The following PARVB variants were observed in gnomAD, a reference collection of about 807,000 sequenced individuals.
PARVB encodes parvin beta.
In PARVB, 46 loss-of-function variants were observed where a neutral mutation model predicts 47.0. The ratio of observed to expected loss-of-function variants is 0.98; its 90% CI spans 0.77 to 1.25. The LOEUF (loss-of-function observed/expected upper bound fraction) is 1.25. PARVB is among the 50% of genes most tolerant of loss of function. The probability of loss-of-function intolerance (pLI) is 0.00; values close to 1 mark genes in which losing one functional copy is unlikely to be tolerated. For synonymous variants in PARVB, 196 were observed against 196.3 expected (o/e 1.00, Z 0.01); for missense variants, 473 against 471.6 (o/e 1.00, Z -0.03).
chr22:44,025,265 A>G (rs1180759649), intron 1 of PARVB, among the ~76,000 whole-genome samples: 1 of 152,050 alleles, frequency 6.6e-6, no homozygotes, highest in Admixed American at 6.6e-5. Context: ...CATAGCGGGT[A>G]TGCAGTACGG....
At chr22:44,060,320 A>C (rs1175421641) in intron 1 of PARVB, among the ~76,000 whole-genome samples, 1 of 152,204 alleles carries the variant, frequency 6.6e-6, no homozygotes. Flanking sequence ...TTTCTAAAAA[A>C]AAGAAAAGAA....
chr22:44,096,666 C>T (rs1163717711), intron 2 of PARVB, among the ~76,000 whole-genome samples: 2 of 152,166 alleles, frequency 1.3e-5, no homozygotes, highest in Admixed American at 6.5e-5. Context: ...AAGTCTTGAA[C>T]CCCGGGCATT....
chr22:44,075,394 A>G (rs1181395697), intron 1 of PARVB, among the ~76,000 whole-genome samples: 1 of 152,182 alleles, frequency 6.6e-6, no homozygotes, highest in African/African-American at 2.4e-5. Context: ...CCCACCACGC[A>G]CACTATCAAC....
chr22:44,039,974 C>A, intron 1 of PARVB: 1 of 376,624 alleles, frequency 2.7e-6, no homozygotes. Context: ...ACCACTACAC[C>A]CCGCTAATTT....
At chr22:44,010,816 A>T (rs1203831437) in intron 2 of PARVB, among the ~76,000 whole-genome samples, 5 of 152,110 alleles carry the variant, frequency 3.3e-5, no homozygotes, top group Admixed American at 3.3e-4. Context: ...ATTTTACGAC[A>T]TATGAAAATT....
At chr22:44,128,975 G>A (rs577024950) in intron 4 of PARVB, among the ~76,000 whole-genome samples, 1 of 152,346 alleles carries the variant, frequency 6.6e-6, no homozygotes, top group East Asian at 1.9e-4. Flanking sequence ...CTACTCGGGA[G>A]GCTGAGGCAG....
intron 2 of PARVB, among the ~76,000 whole-genome samples, chr22:44,017,162 A>G (rs2050592342): frequency 6.6e-6 from 1 of 152,190 alleles, no homozygotes. Flanking sequence ...AGTGTGAGCC[A>G]CCGTGCCTGG....
chr22:44,122,566 G>A (rs948961766), intron 4 of PARVB, among the ~76,000 whole-genome samples: 1 of 66,256 alleles, frequency 1.5e-5, no homozygotes, highest in East Asian at 5.1e-4. Context: ...CAGAGACAGA[G>A]AGAGAGAGAG....
At chr22:44,161,559 G>T (rs1235874602) in intron 11 of PARVB, among the ~76,000 whole-genome samples, 3 of 152,060 alleles carry the variant, frequency 2.0e-5, no homozygotes, top group Non-Finnish European at 2.9e-5. Context: ...TGATCCACCC[G>T]CCTCAGCCTC....
At chr22:44,034,652 C>T (rs181556431) in intron 1 of PARVB, among the ~76,000 whole-genome samples, 2 of 139,046 alleles carry the variant, frequency 1.4e-5, no homozygotes, top group East Asian at 4.4e-4. Flanking sequence ...GACCCTTGAA[C>T]AGCACAGGGG....
Position 44,093,013 on chromosome 22 carries a change from C to T in PARVB, c.113-915C>T, listed in dbSNP as rs149486723. Reference sequence around the variant, plus strand: ...CATGTGATCAGGGACTGCTCCCCAGCGGCCCTCCACCAGTGCCATGAAAGT... The same window carrying T: ...CATGTGATCAGGGACTGCTCCCCAGTGGCCCTCCACCAGTGCCATGAAAGT... On this transcript the variant is annotated intron_variant, in intron 1 of 12. Coordinates refer to ENST00000338758, the MANE Select transcript of PARVB (RefSeq NM_013327.5). 2.1e-3 allele frequency among the ~76,000 whole-genome samples: 319 copies of T among 152,362 alleles called. 3 individuals carry two copies. Among genetic ancestry groups the T allele is most frequent in the East Asian group, 0.017 (90 of 5,184 alleles).
intron 2 of PARVB, among the ~76,000 whole-genome samples, chr22:44,016,560 G>A (rs1475487514): frequency 3.3e-5 from 5 of 152,092 alleles, no homozygotes; most frequent in African/African-American, 7.2e-5. Context: ...CATGAAATTC[G>A]CTTATGTTTC....
chr22:44,172,509 T>G lies in PARVB; in HGVS notation c.*3831T>G, dbSNP rs1478281711. 1.2e-5 allele frequency: 2 copies of G among 163,588 alleles called. No homozygotes were observed. Among genetic ancestry groups the G allele is most frequent in the Non-Finnish European group, 2.7e-5 (2 of 73,718 alleles). 10.1% of individuals were successfully genotyped at this position (163,588 alleles called of 1,614,324 possible). A position where few individuals can be genotyped will look rare whatever the true frequency, so the allele number is the denominator to read the frequency against. On this transcript the variant is annotated 3_prime_UTR_variant, in exon 13 of 13. Transcript: ENST00000338758. ...GCTGATTCTCCTTCTCCATGTGACG[T>G]GTCTCTCAACCCACACCAGCTAGGG...
At chr22:44,025,109 G>C (rs1418109895) in intron 1 of PARVB, among the ~76,000 whole-genome samples, 1 of 152,042 alleles carries the variant, frequency 6.6e-6, no homozygotes, top group Non-Finnish European at 1.5e-5. Context: ...GATACATTCT[G>C]GAATTTTCTG....
chr22:44,083,208 G>A (rs1386522291), intron 1 of PARVB, among the ~76,000 whole-genome samples: 1 of 152,206 alleles, frequency 6.6e-6, no homozygotes, highest in Non-Finnish European at 1.5e-5. Flanking sequence ...GTGGGATGCT[G>A]TGTGAGAGCC....
At chr22:44,044,239 G>GGAGTGCAATGGCCCGATCTCGGCTCACT (rs2051073624) in intron 1 of PARVB, among the ~76,000 whole-genome samples, 1 of 148,482 alleles carries the variant, frequency 6.7e-6, no homozygotes, top group Non-Finnish European at 1.5e-5. Context: ...TGTCAAGGCT[G>GGAGTGCAATGGCCCGATCTCGGCTCACT]GAGTGCAATG....
At chr22:44,154,301 A>AT (rs2053872073) in intron 10 of PARVB, among the ~76,000 whole-genome samples, 1 of 152,162 alleles carries the variant, frequency 6.6e-6, no homozygotes, top group African/African-American at 2.4e-5. Flanking sequence ...AAATGCAGGG[A>AT]TTTTTGTTTT....
chr22:44,120,868 G>A (rs1283842815), intron 4 of PARVB, among the ~76,000 whole-genome samples: 1 of 151,362 alleles, frequency 6.6e-6, no homozygotes, highest in African/African-American at 2.4e-5. Context: ...TTTTGAAATG[G>A]AGTCTTGCTC....
intron 2 of PARVB, among the ~76,000 whole-genome samples, chr22:44,094,349 G>A (rs2052245740): frequency 6.6e-6 from 1 of 151,864 alleles, no homozygotes; most frequent in South Asian, 2.1e-4. Flanking sequence ...TCAGGGCCAT[G>A]CCATGCCACG....
Sources: allele counts gnomAD v4.1 joint callset (sites outside exome capture counted in the v4.1 genomes callset), GRCh38; gene constraint gnomAD v4.1.1; transcripts MANE v1.5; gene names NCBI Gene and HGNC (gene_info 2026-07-23, HGNC 2026-07-21).